MVB12B: variants seen among roughly 807,000 people sequenced by gnomAD.
MVB12B encodes the protein multivesicular body subunit 12B, also known as ESCRT-I complex subunit MVB12B.
Under a neutral mutation model 41.6 loss-of-function variants are expected in MVB12B, and 16 were observed. That is an observed-to-expected ratio of 0.38 (90% CI 0.26 to 0.58). MVB12B has a LOEUF of 0.58. Ranked by LOEUF, MVB12B falls within the 20% of genes least tolerant of loss-of-function variation. The pLI, the probability that MVB12B is intolerant of heterozygous loss-of-function variation, is 0.62. For synonymous variants in MVB12B, 133 were observed against 139.7 expected (o/e 0.95, Z 0.34); for missense variants, 274 against 380.2 (o/e 0.72, Z 2.32).
At chr9:126,415,718 G>A (rs901948075) in intron 6 of MVB12B, among the ~76,000 whole-genome samples, 5 of 152,074 alleles carry the variant, frequency 3.3e-5, no homozygotes, top group African/African-American at 7.2e-5. Flanking sequence ...TTTGTTAAGC[G>A]CTCACTGTGT....
At chr9:126,369,873 G>A (rs1830287989) in intron 2 of MVB12B, among the ~76,000 whole-genome samples, 1 of 152,048 alleles carries the variant, frequency 6.6e-6, no homozygotes, top group African/African-American at 2.4e-5. Flanking sequence ...GGCTGGTCTC[G>A]AACTCCTGAC....
At chr9:126,327,066 AGGGC>A (rs1008019222) in intron 1 of MVB12B, 56 bp downstream of exon 1, 4 of 117,168 alleles carry the variant, frequency 3.4e-5, no homozygotes, top group South Asian at 3.1e-4. Flanking sequence ...TGCAGCCGGG[AGGGC>A]GGGCGGGCGG....
chr9:126,447,049 A>G (rs1488258965), intron 7 of MVB12B, among the ~76,000 whole-genome samples: 5 of 143,846 alleles, frequency 3.5e-5, no homozygotes, highest in African/African-American at 1.3e-4. Flanking sequence ...GGTTCAAGTG[A>G]TTCTCCTGCC....
chr9:126,484,172 C>A, intron 9 of MVB12B, 140 bp downstream of exon 9: 1 of 708,590 alleles, frequency 1.4e-6, no homozygotes, highest in East Asian at 2.6e-5. Flanking sequence ...AAAACACTTT[C>A]GTTGCACCCA....
At chr9:126,383,826 A>G (rs1009113535) in intron 3 of MVB12B, among the ~76,000 whole-genome samples, 1 of 151,810 alleles carries the variant, frequency 6.6e-6, no homozygotes, top group Admixed American at 6.6e-5. Context: ...GCAGCCTCCC[A>G]TTTTGTATGC....
intron 2 of MVB12B, among the ~76,000 whole-genome samples, chr9:126,364,620 C>T (rs932410109): frequency 6.6e-6 from 1 of 152,236 alleles, no homozygotes; most frequent in Non-Finnish European, 1.5e-5. Context: ...GATGTTGCCA[C>T]TTTACCTTAG....
At chr9:126,327,853 A>C (rs987967144) in intron 1 of MVB12B, among the ~76,000 whole-genome samples, 1 of 152,214 alleles carries the variant, frequency 6.6e-6, no homozygotes, top group Admixed American at 6.5e-5. Flanking sequence ...GGCAAAAGGC[A>C]AATGGTGGTT....
rs575187988 is a variant in MVB12B at position 126,367,373 on chromosome 9, C to T, written c.205-13691C>T. On this transcript the variant is annotated intron_variant, in intron 2 of 9. Coordinates refer to ENST00000361171, the MANE Select transcript of MVB12B (RefSeq NM_033446.3). This position sits in a 1 kb window ranked among gnomAD's most constrained non-coding sequence, Gnocchi z 4.3. The stretch of plus-strand genomic sequence containing the variant: ...TATGGTCTGCTCTCTCTCTCTCATC[C>T]GCGTGGCCAGTGGTCCAGCCAACCC... Among the ~76,000 whole-genome samples, 9 of 152,186 alleles carry T rather than the reference C, an allele frequency of 5.9e-5. No homozygotes were observed. Among genetic ancestry groups the T allele is most frequent in the East Asian group, 3.9e-4 (2 of 5,166 alleles).
chr9:126,390,309 G>A (rs150321488), intron 4 of MVB12B, among the ~76,000 whole-genome samples: 7 of 152,292 alleles, frequency 4.6e-5, no homozygotes, highest in African/African-American at 1.2e-4. Flanking sequence ...TCCCTGTGGG[G>A]TGGGTTTCAT....
intron 9 of MVB12B, among the ~76,000 whole-genome samples, chr9:126,499,287 T>C (rs1422340421): frequency 2.0e-5 from 3 of 152,130 alleles, no homozygotes; most frequent in Non-Finnish European, 4.4e-5. Context: ...GCAGAACCCC[T>C]GACAGTTACA....
At chr9:126,467,914 A>G (rs1833230429) in intron 7 of MVB12B, among the ~76,000 whole-genome samples, 1 of 152,214 alleles carries the variant, frequency 6.6e-6, no homozygotes, top group Non-Finnish European at 1.5e-5. Flanking sequence ...AGGAGTGCCC[A>G]TTGCCTCTGA....
chr9:126,502,679 T>C (rs1454383168), intron 9 of MVB12B, among the ~76,000 whole-genome samples: 1 of 152,150 alleles, frequency 6.6e-6, no homozygotes, highest in Non-Finnish European at 1.5e-5. Flanking sequence ...CCCATGACCC[T>C]GGGCACCACC....
At chr9:126,449,413 TGACA>T (rs916796851) in intron 7 of MVB12B, among the ~76,000 whole-genome samples, 38 of 152,260 alleles carry the variant, frequency 2.5e-4, no homozygotes, top group African/African-American at 8.7e-4. Flanking sequence ...GTTTGCTGTC[TGACA>T]GACAGGTCTG....
At chr9:126,481,089 G>A in intron 7 of MVB12B, 1 of 450,426 alleles carries the variant, frequency 2.2e-6, no homozygotes, top group Non-Finnish European at 4.0e-6. Context: ...TGGAGAGTAG[G>A]GGTTCTGGAC....
chr9:126,503,090 T>C (rs1326147997), intron 9 of MVB12B, 87 bp from the exon 10 acceptor site: 8 of 1,228,792 alleles, frequency 6.5e-6, no homozygotes, highest in Non-Finnish European at 9.4e-6. Flanking sequence ...CCCAGGCCTC[T>C]GCCTGATCTT....
chr9:126,376,538 C>T lies in MVB12B; in HGVS notation c.205-4526C>T. ...TGGGGCGACGAGCAGGGAGCTGGCTCAGATCGTGGGCTGGTCCACCCTGGC... is the reference window on the plus strand; with the variant it reads ...TGGGGCGACGAGCAGGGAGCTGGCTTAGATCGTGGGCTGGTCCACCCTGGC... On this transcript the variant is annotated intron_variant, in intron 2 of 9. Coordinates refer to ENST00000361171, the MANE Select transcript of MVB12B (RefSeq NM_033446.3). The surrounding 1 kb of genome is among the most constrained non-coding windows in gnomAD (Gnocchi z 4.1). The T allele has an allele frequency of 7.8e-7, 1 of 1,289,338 alleles. No individual in the cohort carries two copies. Among genetic ancestry groups the T allele is most frequent in the Non-Finnish European group, 1.0e-6 (1 of 988,858 alleles). 79.9% of individuals were successfully genotyped at this position (1,289,338 alleles called of 1,614,324 possible). A position where few individuals can be genotyped will look rare whatever the true frequency, so the allele number is the denominator to read the frequency against.
At chr9:126,417,386 T>A (rs1831858424) in intron 6 of MVB12B, among the ~76,000 whole-genome samples, 1 of 152,212 alleles carries the variant, frequency 6.6e-6, no homozygotes, top group South Asian at 2.1e-4. Context: ...GAAACCTTCT[T>A]TTTTTTCCCT....
rs987535751 is a variant in MVB12B at position 126,396,456 on chromosome 9, A to T, written c.662+759A>T. On this transcript the variant is annotated intron_variant, in intron 6 of 9. Transcript: ENST00000361171. ...GCAGCAACACTTAGGGATTGACATA[A>T]CGTAAATGAGAATGGATCTCCAAGC... The T allele has an allele frequency of 1.1e-5, 11 of 985,390 alleles. No individual in the cohort carries two copies. In the African/African-American group the frequency reaches 1.7e-4, roughly 16 times the overall value. 61.0% of individuals were successfully genotyped at this position (985,390 alleles called of 1,614,324 possible).
intron 6 of MVB12B, among the ~76,000 whole-genome samples, chr9:126,415,140 C>T (rs1831775144): frequency 6.6e-6 from 1 of 152,198 alleles, no homozygotes; most frequent in African/African-American, 2.4e-5. Context: ...AGTGCAGCTC[C>T]TGATCTCTTG....
Sources: gnomAD v4.1 joint callset for allele counts (sites outside exome capture counted in the v4.1 genomes callset) on GRCh38, gnomAD v4.1.1 for gene constraint, Gnocchi (gnomAD v3.1) non-coding constraint, MANE v1.5 for transcripts, NCBI Gene and HGNC (gene_info 2026-07-23, HGNC 2026-07-21) for gene names.